The following R3HDM2 variants were observed in gnomAD, a reference collection of about 807,000 sequenced individuals.
R3HDM2 encodes R3H domain-containing protein 2.
A neutral mutation model predicts 124.5 loss-of-function variants in R3HDM2; 38 were observed. The ratio of observed to expected loss-of-function variants is 0.31; its 90% CI spans 0.24 to 0.40. The LOEUF (loss-of-function observed/expected upper bound fraction) is 0.40, where lower values mean the gene tolerates loss of function less well. Among genes scored for constraint, R3HDM2 ranks in the 10% least tolerant of loss-of-function variants. The probability of loss-of-function intolerance (pLI) is 1.00; values close to 1 mark genes in which losing one functional copy is unlikely to be tolerated. For synonymous variants in R3HDM2, 391 were observed against 448.0 expected, an observed-to-expected ratio of 0.87 and a Z score of 1.61; for missense variants, 869 against 1,236.9, an observed-to-expected ratio of 0.70 and a Z score of 4.46.
At chr12:57,339,463 A>G (rs2136919956) in intron 2 of R3HDM2, among the ~76,000 whole-genome samples, 1 of 152,022 alleles carries the variant, frequency 6.6e-6, no homozygotes, top group African/African-American at 2.4e-5. Context: ...GCACTTTGGG[A>G]GGCCGGTGGG....
intron 2 of R3HDM2, among the ~76,000 whole-genome samples, chr12:57,357,861 T>A (rs2061470030): frequency 6.6e-6 from 1 of 152,120 alleles, no homozygotes; most frequent in Non-Finnish European, 1.5e-5. Flanking sequence ...TGTTCCCATT[T>A]TCATTCTGTT....
chr12:57,336,500 A>G (rs1593481412), intron 2 of R3HDM2, among the ~76,000 whole-genome samples: 1 of 152,172 alleles, frequency 6.6e-6, no homozygotes, highest in Admixed American at 6.5e-5. Flanking sequence ...AGAATGAGAT[A>G]ATGTCTTTTG....
chr12:57,286,601 G>A (rs1344716316), intron 12 of R3HDM2, among the ~76,000 whole-genome samples: 1 of 152,152 alleles, frequency 6.6e-6, no homozygotes, highest in Non-Finnish European at 1.5e-5. Context: ...TCTGGTGAGG[G>A]CCAGGCGCGG....
intron 2 of R3HDM2, among the ~76,000 whole-genome samples, chr12:57,373,873 A>G (rs1394229061): frequency 6.6e-6 from 1 of 151,440 alleles, no homozygotes; most frequent in African/African-American, 2.4e-5. Context: ...CATGCCTGCA[A>G]TCCTAGCACT....
At chr12:57,379,277 A>G (rs1303081832) in intron 2 of R3HDM2, among the ~76,000 whole-genome samples, 1 of 152,178 alleles carries the variant, frequency 6.6e-6, no homozygotes, top group African/African-American at 2.4e-5. Context: ...GGATTTTAAC[A>G]CAATAAAAAA....
intron 2 of R3HDM2, among the ~76,000 whole-genome samples, chr12:57,370,960 T>C (rs1257334643): frequency 1.3e-5 from 2 of 152,016 alleles, no homozygotes; most frequent in East Asian, 1.9e-4. Context: ...AGCAGTGATA[T>C]GCCAGTTTCT....
At position 57,269,057 on chromosome 12, in the gene R3HDM2, C is replaced by G; in HGVS notation, c.1740G>C (p.Gln580His). The change falls in exon 17 of 24, where the codon CAG becomes CAC. Residue 580 changes from glutamine to histidine, a missense_variant. Physicochemically the swap from Gln to His is conservative, Grantham distance 24. Transcript: ENST00000402412. The stretch of plus-strand genomic sequence containing the variant: ...TCATGCCTTGGTAAGCCGCCTGCTG[C>G]TGGTTAGGCATCATGGGCTGTAAAC... ...QPGLQPMMPN[Q>H]QQAAYQGMIG... The G allele has an allele frequency of 1.2e-6, 2 of 1,614,212 alleles. No individual in the cohort carries two copies. Among genetic ancestry groups the G allele is most frequent in the Non-Finnish European group, 1.7e-6 (2 of 1,180,038 alleles).
intron 1 of R3HDM2, among the ~76,000 whole-genome samples, chr12:57,407,254 G>GAA (rs141913606): frequency 1.6e-5 from 2 of 125,036 alleles, no homozygotes; most frequent in Non-Finnish European, 1.7e-5. Flanking sequence ...CTTCTCAAGA[G>GAA]AAAAAAAAAA....
intron 1 of R3HDM2, among the ~76,000 whole-genome samples, chr12:57,416,624 A>C (rs1205205911): frequency 6.6e-6 from 1 of 151,382 alleles, no homozygotes; most frequent in Admixed American, 6.6e-5. Flanking sequence ...CTGGGCAACA[A>C]GGTGAAACCC....
At chr12:57,284,179 C>T in intron 12 of R3HDM2, 123 bp from the exon 13 acceptor site, 1 of 917,932 alleles carries the variant, frequency 1.1e-6, no homozygotes, top group Non-Finnish European at 1.6e-6. Context: ...AGGATGGACA[C>T]TGACTTATTG....
At chr12:57,367,481 T>C (rs536464136) in intron 2 of R3HDM2, among the ~76,000 whole-genome samples, 1 of 152,332 alleles carries the variant, frequency 6.6e-6, no homozygotes, top group African/African-American at 2.4e-5. Flanking sequence ...AGAAGCTCTC[T>C]CCTCTTAAAT....
chr12:57,364,093 A>G (rs1320648135), intron 2 of R3HDM2, among the ~76,000 whole-genome samples: 2 of 148,572 alleles, frequency 1.3e-5, no homozygotes, highest in Non-Finnish European at 3.0e-5. Context: ...TTCTTACCTT[A>G]TGTAATAGTT....
At chr12:57,357,114 G>GAATAAATAAATAAATA (rs60165527) in intron 2 of R3HDM2, among the ~76,000 whole-genome samples, 16 of 146,646 alleles carry the variant, frequency 1.1e-4, no homozygotes, top group African/African-American at 4.0e-4. Flanking sequence ...AAAAATAAAT[G>GAATAAATAAATAAATA]AATAAATAAA....
chr12:57,281,363 T>C (rs1425477667), intron 13 of R3HDM2, among the ~76,000 whole-genome samples: 1 of 151,886 alleles, frequency 6.6e-6, no homozygotes, highest in Admixed American at 6.6e-5. Flanking sequence ...CATTTCCCCA[T>C]TTCTAGGCTC....
At chr12:57,298,051 C>T in intron 7 of R3HDM2, 39 bp downstream of exon 7, 2 of 1,445,446 alleles carry the variant, frequency 1.4e-6, no homozygotes, top group Non-Finnish European at 1.9e-6. Flanking sequence ...TCTTGCTATC[C>T]CCTAACCCCT....
At position 57,266,870 on chromosome 12, in the gene R3HDM2, AG is replaced by A. The variant is rs1166076668; in HGVS notation, c.2031-40del. ...GAAGAGAGGAGTGGTGAAGCAGTAG[AG>A]GGATGAACACAGCTCCTGGCAAACA... On this transcript the variant is annotated intron_variant, in intron 18 of 23. Coordinates refer to ENST00000402412, the MANE Select transcript of R3HDM2 (RefSeq NM_001394031.1). 5 of 1,411,454 alleles carry A rather than the reference AG, an allele frequency of 3.5e-6. No homozygotes were observed. In the Admixed American group the frequency reaches 5.7e-5, roughly 16 times the overall value. The allele number at this position is 1,411,454 out of a possible 1,614,324, so 87.4% of individuals were successfully genotyped here.
At chr12:57,317,820 C>CA (rs892782337) in intron 2 of R3HDM2, among the ~76,000 whole-genome samples, 1 of 151,438 alleles carries the variant, frequency 6.6e-6, no homozygotes, top group East Asian at 1.9e-4. Context: ...ACTAAAAATA[C>CA]AAAAAAATTA....
chr12:57,342,495 G>GAC (rs36014724), intron 2 of R3HDM2, among the ~76,000 whole-genome samples: 89,624 of 148,952 alleles, frequency 0.6, 28,134 homozygotes, highest in Middle Eastern at 0.86. Context: ...GGCACACACA[G>GAC]ACACACACAC....
At chr12:57,368,782 C>A (rs2062961726) in intron 2 of R3HDM2, among the ~76,000 whole-genome samples, 1 of 152,126 alleles carries the variant, frequency 6.6e-6, no homozygotes, top group Non-Finnish European at 1.5e-5. Flanking sequence ...AGTCTGTCTC[C>A]CTTCACTGTA....
Sources: gnomAD v4.1 joint callset for allele counts (sites outside exome capture counted in the v4.1 genomes callset) on GRCh38, gnomAD v4.1.1 for gene constraint, MANE v1.5 for transcripts, NCBI Gene and HGNC (gene_info 2026-07-23, HGNC 2026-07-21) for gene names.